SEMA4A: variants seen among roughly 807,000 people sequenced by gnomAD.
SEMA4A encodes the protein semaphorin-4A.
In SEMA4A, 52 loss-of-function variants were observed where a neutral mutation model predicts 72.5. That is an observed-to-expected ratio of 0.72 (90% CI 0.57 to 0.90). SEMA4A has a LOEUF of 0.90. Among genes scored for constraint, SEMA4A ranks in the 40% least tolerant of loss-of-function variants. The pLI is 0.00. For missense variants in SEMA4A, 926 were observed against 959.7 expected, an observed-to-expected ratio of 0.96 and a Z score of 0.46; for synonymous variants, 369 against 393.1, an observed-to-expected ratio of 0.94 and a Z score of 0.73.
intron 6 of SEMA4A, chr1:156,159,029 CTCA>C: frequency 3.3e-6 from 1 of 300,500 alleles, no homozygotes; most frequent in Non-Finnish European, 6.2e-6. Context: ...GCGAGATCGT[CTCA>C]AAAAAAAAAA....
rs745715951 is a variant in SEMA4A, at chr1:156,156,515, C to T, written c.241C>T (p.Arg81Ter). 6.8e-6 allele frequency: 11 copies of T among 1,613,912 alleles called. No individual in the cohort carries two copies. Among genetic ancestry groups the T allele is most frequent in the Admixed American group, 3.3e-5 (2 of 59,980 alleles). The change falls in exon 3 of 15, where the codon CGA becomes TGA. Residue 81 changes from arginine to a stop codon, truncating the protein, a stop_gained. Transcript: ENST00000368285. LOFTEE classifies it high-confidence loss of function. ...TGGAAATACTCTCTACGTGGGGGCT[C>T]GAGAAGCCATTCTGGCCTTGGATAT... is the stretch of plus-strand genomic sequence containing the variant. Reference protein sequence around the residue: ...GDGNTLYVGAREAILALDIQD... With the variant: ...GDGNTLYVGA
chr1:156,166,055 C>T (rs987894252), intron 10 of SEMA4A, among the ~76,000 whole-genome samples: 60 of 151,938 alleles, frequency 3.9e-4, no homozygotes, highest in African/African-American at 1.4e-3. Flanking sequence ...TACAGGTGCC[C>T]TCCACCATGC....
chr1:156,161,076 AG>A (rs1653576426), intron 8 of SEMA4A, 47 bp downstream of exon 8: 1 of 1,539,348 alleles, frequency 6.5e-7, no homozygotes, highest in Non-Finnish European at 8.8e-7. Context: ...GAGAACCAAT[AG>A]GGAGATGGCA....
In SEMA4A at chr1:156,169,407, CTTTTTTTTTTTTTT is replaced by C. The variant is rs766983966; in HGVS notation, c.1135-3406_1135-3393del. On this transcript the variant is annotated intron_variant, in intron 10 of 14. Transcript: ENST00000368285. ...CATCTAGGTTTATGTCTTTTCTTTT[CTTTTTTTTTTTTTT>C]TTTTTTTTTTTTGAGACGGAGTCTT... Among the ~76,000 whole-genome samples, 101 of 85,298 alleles carry C rather than the reference CTTTTTTTTTTTTTT, an allele frequency of 1.2e-3. 1 individual carries two copies. The highest frequency in any genetic ancestry group is 3.8e-3 in the Admixed American group (31 of 8,100). 56.0% of individuals were successfully genotyped at this position (85,298 alleles called of 152,430 possible).
chr1:156,159,291 G>A (rs1050763442), intron 6 of SEMA4A, among the ~76,000 whole-genome samples: 5 of 152,152 alleles, frequency 3.3e-5, no homozygotes, highest in East Asian at 1.9e-4. Flanking sequence ...CCAAGATCGC[G>A]CCACTGCACT....
rs767537937 is a variant in SEMA4A, at chr1:156,161,515, A to G, written c.980A>G (p.Gln327Arg). 3 of 1,613,848 alleles carry G rather than the reference A, an allele frequency of 1.9e-6. No homozygotes were observed. The highest frequency in any genetic ancestry group is 2.5e-6 in the Non-Finnish European group (3 of 1,179,922). The change falls in exon 9 of 15, where the codon CAG becomes CGG. Residue 327 changes from glutamine to arginine, a missense_variant. Physicochemically the swap from Gln to Arg is conservative, Grantham distance 43. Transcript: ENST00000368285. ...APHIYAVFTS[Q>R]WQVGGTRSSA... is the part of the protein sequence containing the mutation. ...CACATCTACGCAGTCTTCACCTCCC[A>G]GTGGTGAGCAGCAGGGCTGGACCAT...
At chr1:156,176,080 T>A (rs1473375550) in intron 14 of SEMA4A, among the ~76,000 whole-genome samples, 1 of 152,028 alleles carries the variant, frequency 6.6e-6, no homozygotes, top group Non-Finnish European at 1.5e-5. Context: ...TTTGAGCTCA[T>A]GAGTTTCAGA....
chr1:156,160,268 G>A (rs1401680458), intron 6 of SEMA4A, among the ~76,000 whole-genome samples, 175 bp from the exon 7 acceptor site: 2 of 152,080 alleles, frequency 1.3e-5, no homozygotes, highest in African/African-American at 4.8e-5. Context: ...AGGAAGCTAA[G>A]AGGGGTGCTT....
intron 10 of SEMA4A, among the ~76,000 whole-genome samples, chr1:156,171,629 T>A: frequency 6.6e-6 from 1 of 152,058 alleles, no homozygotes; most frequent in African/African-American, 2.4e-5. Flanking sequence ...CAGGCTGGAG[T>A]ACAGTGGCAC....
At chr1:156,163,669 C>G in intron 10 of SEMA4A, among the ~76,000 whole-genome samples, 1 of 126,768 alleles carries the variant, frequency 7.9e-6, no homozygotes, top group East Asian at 2.4e-4. Flanking sequence ...TGCAGTGAGC[C>G]AAGATTGCGC....
upstream of SEMA4A, among the ~76,000 whole-genome samples, chr1:156,152,635 G>A (rs1652635020): frequency 6.6e-6 from 1 of 152,156 alleles, no homozygotes; most frequent in South Asian, 2.1e-4. Flanking sequence ...AACCCCCGGG[G>A]AAACTGAGAG....
In SEMA4A at chr1:156,175,123, G is replaced by A. The variant is rs1388776697; in HGVS notation, c.1472G>A (p.Arg491Lys). 1 of 1,614,050 alleles carries A rather than the reference G, an allele frequency of 6.2e-7. No individual in the cohort carries two copies. Among genetic ancestry groups the A allele is most frequent in the African/African-American group, 1.3e-5 (1 of 74,906 alleles). ...VFVGFSGGVW[R>K]VPRANCSVYE... ...GTAGGCTTCTCAGGAGGTGTCTGGA[G>A]GGTGCCCCGAGCCAACTGTAGTGTC... The change falls in exon 13 of 15, where the codon AGG (arginine) becomes AAG (lysine). Residue 491 changes from arginine to lysine, a missense_variant. Transcript: ENST00000368285.
At chr1:156,174,704 G>A (rs1008013125) in intron 11 of SEMA4A, 118 bp from the exon 12 acceptor site, 56 of 1,212,076 alleles carry the variant, frequency 4.6e-5, no homozygotes, top group Admixed American at 1.3e-4. Flanking sequence ...TGGCTGACCC[G>A]CGCCCAGTAC....
chr1:156,162,898 T>G (rs1451805618), intron 9 of SEMA4A, 46 bp from the exon 10 acceptor site: 1 of 1,611,218 alleles, frequency 6.2e-7, no homozygotes, highest in East Asian at 2.2e-5. Flanking sequence ...AGAGAGCTGC[T>G]GGTGTGGCAG....
intron 3 of SEMA4A, 88 bp downstream of exon 3, chr1:156,156,662 C>G: frequency 7.8e-7 from 1 of 1,280,580 alleles, no homozygotes; most frequent in Non-Finnish European, 1.1e-6. Context: ...GCATGAATAA[C>G]TTAGTTGCTG....
intron 10 of SEMA4A, among the ~76,000 whole-genome samples, chr1:156,170,378 C>T (rs571290378): frequency 7.2e-5 from 9 of 124,450 alleles, no homozygotes; most frequent in African/African-American, 1.8e-4. Flanking sequence ...GCAGGAGAAT[C>T]GCTTGATTCT....
chr1:156,150,310 G>A (rs1188149569), upstream of SEMA4A: 1 of 152,950 alleles, frequency 6.5e-6, no homozygotes, highest in Admixed American at 6.5e-5. Flanking sequence ...AAAAGGCTGG[G>A]AGACAGTGGG....
intron 1 of SEMA4A, among the ~76,000 whole-genome samples, chr1:156,154,068 C>A (rs1652772669): frequency 6.6e-6 from 1 of 152,158 alleles, no homozygotes; most frequent in African/African-American, 2.4e-5. Flanking sequence ...TGGGTCAGAG[C>A]TGAGTATGAG....
chr1:156,163,304 C>T, intron 10 of SEMA4A: 2 of 602,952 alleles, frequency 3.3e-6, no homozygotes, highest in East Asian at 2.9e-5. Flanking sequence ...AGCCATCTCC[C>T]TTCACCAAGG....
Sources: gnomAD v4.1 joint callset for allele counts (sites outside exome capture counted in the v4.1 genomes callset) on GRCh38, gnomAD v4.1.1 for gene constraint, MANE v1.5 for transcripts, NCBI Gene and HGNC (gene_info 2026-07-23, HGNC 2026-07-21) for gene names.